The following ARPP19 variants were observed in gnomAD, a reference collection of about 807,000 sequenced individuals.
The protein encoded by ARPP19 is cAMP-regulated phosphoprotein 19.
ARPP19 carries 8 observed loss-of-function variants against 12.0 expected under a neutral mutation model. The observed-to-expected ratio is 0.67, with a 90% CI of 0.39 to 1.21. The LOEUF is 1.21. Among genes scored for constraint, ARPP19 ranks in the 50% most tolerant of loss-of-function variants. The pLI, the probability that ARPP19 is intolerant of heterozygous loss-of-function variation, is 0.01. For missense variants in ARPP19, 102 were observed against 136.3 expected, an observed-to-expected ratio of 0.75 and a Z score of 1.25; for synonymous variants, 47 against 50.4, an observed-to-expected ratio of 0.93 and a Z score of 0.29.
At chr15:52,557,325 G>T in intron 1 of ARPP19, 103 bp from the exon 2 acceptor site, 2 of 899,944 alleles carry the variant, frequency 2.2e-6, no homozygotes, top group Non-Finnish European at 3.3e-6. Context: ...TAAATGCCAA[G>T]TACCACAGCA....
At chr15:52,567,684 G>A (rs776623728) in intron 1 of ARPP19, among the ~76,000 whole-genome samples, 1 of 151,956 alleles carries the variant, frequency 6.6e-6, no homozygotes, top group Non-Finnish European at 1.5e-5. Context: ...GTGGTAACTT[G>A]GACTTTTACC....
chr15:52,555,644 A>G (rs1029746370), intron 2 of ARPP19, among the ~76,000 whole-genome samples: 2 of 152,042 alleles, frequency 1.3e-5, no homozygotes, highest in African/African-American at 4.8e-5. Context: ...AGATTAATAA[A>G]TAAGAGATTA....
chr15:52,553,714 A>G (rs867448340), intron 2 of ARPP19, among the ~76,000 whole-genome samples: 3 of 40,666 alleles, frequency 7.4e-5, no homozygotes, highest in African/African-American at 1.1e-4. Context: ...AAGAAAACAG[A>G]TAATATTTAT....
chr15:52,568,565 C>A lies in ARPP19; in HGVS notation c.45+283G>T, dbSNP rs9806449. On this transcript the variant is annotated intron_variant, in intron 1 of 2. Transcript: ENST00000249822. ...AAAAACTTAGGCTCTACGCCCAAAG[C>A]CTGCGTCCTGGGCTCTCGCGTAAAT... The A allele has an allele frequency of 4.2e-3, 1,662 of 396,962 alleles. 32 individuals are homozygous for A. The highest frequency in any genetic ancestry group is 0.033 in the African/African-American group (1,562 of 47,636). 24.6% of individuals were successfully genotyped at this position (396,962 alleles called of 1,614,324 possible).
chr15:52,564,168 TA>T lies in ARPP19; in HGVS notation c.45+4679del, dbSNP rs1289528488. 4 of 1,512,330 alleles carry T rather than the reference TA, an allele frequency of 2.6e-6. No individual in the cohort carries two copies. In the African/African-American group the frequency reaches 4.1e-5, roughly 16 times the overall value. The allele number at this position is 1,512,330 out of a possible 1,614,324, so 93.7% of individuals were successfully genotyped here. On this transcript the variant is annotated intron_variant, in intron 1 of 2. Coordinates refer to ENST00000249822, the MANE Select transcript of ARPP19 (RefSeq NM_006628.6). ...TGCTAAGACGGCTAAGAGAAACATT[TA>T]AAAACTTTTCTGAGGTTTACCTCTA...
chr15:52,561,184 C>T (rs56947153), intron 1 of ARPP19, among the ~76,000 whole-genome samples: 15,418 of 152,180 alleles, frequency 0.1, 853 homozygotes, highest in Middle Eastern at 0.16. Context: ...TGTGACTCCA[C>T]GTTTCTGGAC....
chr15:52,556,214 A>T (rs2049518), intron 2 of ARPP19, among the ~76,000 whole-genome samples: 1 of 152,186 alleles, frequency 6.6e-6, no homozygotes, highest in South Asian at 2.1e-4. Flanking sequence ...CAAGGAGCCG[A>T]TATCAGTATA....
intron 1 of ARPP19, 45 bp downstream of exon 1, chr15:52,568,803 A>G (rs2078111848): frequency 5.4e-6 from 8 of 1,475,286 alleles, no homozygotes; most frequent in Middle Eastern, 1.9e-4. Context: ...CGCCCGCCAG[A>G]CCCGGCCTTG....
At chr15:52,552,486 G>A (rs1321073442) in intron 2 of ARPP19, among the ~76,000 whole-genome samples, 1 of 150,524 alleles carries the variant, frequency 6.6e-6, no homozygotes. Flanking sequence ...TACTCCAGAG[G>A]TTGAGGCTTA....
At chr15:52,560,979 C>A (rs182784571) in intron 1 of ARPP19, among the ~76,000 whole-genome samples, 2 of 152,340 alleles carry the variant, frequency 1.3e-5, no homozygotes, top group African/African-American at 4.8e-5. Flanking sequence ...CTGGAAACAC[C>A]ATCTTCCTCC....
chr15:52,567,929 A>T (rs1566900124), intron 1 of ARPP19, among the ~76,000 whole-genome samples: 1 of 152,208 alleles, frequency 6.6e-6, no homozygotes, highest in East Asian at 1.9e-4. Flanking sequence ...AAAATTGTTG[A>T]TAAACAATTT....
At chr15:52,554,430 T>C (rs1270822902) in intron 2 of ARPP19, among the ~76,000 whole-genome samples, 2 of 92,380 alleles carry the variant, frequency 2.2e-5, no homozygotes, top group Non-Finnish European at 4.5e-5. Context: ...AAGAAGCTAA[T>C]GCTTTAAGAT....
intron 1 of ARPP19, among the ~76,000 whole-genome samples, chr15:52,562,396 A>C (rs761305518): frequency 6.6e-6 from 1 of 152,212 alleles, no homozygotes; most frequent in Non-Finnish European, 1.5e-5. Context: ...TTAGAAATTA[A>C]AAACATACTT....
At chr15:52,569,188 C>T (rs2078118710), upstream of ARPP19, 1 of 434,542 alleles carries the variant, frequency 2.3e-6, no homozygotes, top group Non-Finnish European at 4.1e-6. Context: ...GCTCCTGCCT[C>T]ACCTCACATC....
chr15:52,563,847 A>G (rs541306339), intron 1 of ARPP19, among the ~76,000 whole-genome samples: 1 of 152,330 alleles, frequency 6.6e-6, no homozygotes, highest in South Asian at 2.1e-4. Flanking sequence ...AGGTACCAAT[A>G]CTGTATCAAG....
chr15:52,550,429 T>A lies in ARPP19; in HGVS notation c.*1505A>T, dbSNP rs1165652789. The A allele has an allele frequency of 1.3e-5, 2 of 152,242 alleles. No individual in the cohort carries two copies. The highest frequency in any genetic ancestry group is 2.9e-5 in the Non-Finnish European group (2 of 68,044). 9.4% of individuals were successfully genotyped at this position (152,242 alleles called of 1,614,324 possible). ...ATAATTTACCAAAATTCAGCTCATCTTGACATAGGTTCTTGAGCCAGTATT... is the reference window on the plus strand; with the variant it reads ...ATAATTTACCAAAATTCAGCTCATCATGACATAGGTTCTTGAGCCAGTATT... On this transcript the variant is annotated 3_prime_UTR_variant, in exon 3 of 3. Transcript: ENST00000249822.
chr15:52,560,413 T>C (rs1693531), intron 1 of ARPP19, among the ~76,000 whole-genome samples: 85,980 of 152,198 alleles, frequency 0.56, 29,410 homozygotes, highest in Non-Finnish European at 0.75. Context: ...CATTTATATT[T>C]AGAATGAATT....
At chr15:52,561,675 A>T (rs1197907648) in intron 1 of ARPP19, among the ~76,000 whole-genome samples, 4 of 151,990 alleles carry the variant, frequency 2.6e-5, no homozygotes, top group East Asian at 3.8e-4. Flanking sequence ...TTTAAATACC[A>T]AAAAGAAACC....
intron 2 of ARPP19, among the ~76,000 whole-genome samples, chr15:52,555,741 G>A (rs2077976029): frequency 6.6e-6 from 1 of 151,886 alleles, no homozygotes; most frequent in Non-Finnish European, 1.5e-5. Flanking sequence ...ACAACAAAGA[G>A]CATATTAGTT....
Sources: gnomAD v4.1 joint callset for allele counts (sites outside exome capture counted in the v4.1 genomes callset) on GRCh38, gnomAD v4.1.1 for gene constraint, MANE v1.5 for transcripts, NCBI Gene and HGNC (gene_info 2026-07-23, HGNC 2026-07-21) for gene names.